TENM3: variants seen among roughly 807,000 people sequenced by gnomAD.
TENM3 encodes the protein teneurin transmembrane protein 3.
A neutral mutation model predicts 255.1 loss-of-function variants in TENM3; 63 were observed. The observed-to-expected ratio is 0.25, with a 90% confidence interval of 0.20 to 0.30. The LOEUF is 0.30. Among genes scored for constraint, TENM3 ranks in the 10% least tolerant of loss-of-function variants. TENM3 has a pLI of 1.00. For missense variants in TENM3, 2,929 were observed against 3,461.1 expected (o/e 0.85, Z 3.86); for synonymous variants, 1,306 against 1,322.3 (o/e 0.99, Z 0.27).
chr4:181,696,523 A>G, the TENM3 span, among the ~76,000 whole-genome samples: 1 of 152,236 alleles, frequency 6.6e-6, no homozygotes, highest in African/African-American at 2.4e-5. Context: ...ATTTATGTAC[A>G]TATAATTATG....
At chr4:182,260,822 T>C (rs1379406099) in intron 1 of TENM3, among the ~76,000 whole-genome samples, 1 of 152,126 alleles carries the variant, frequency 6.6e-6, no homozygotes, top group African/African-American at 2.4e-5. Context: ...GTAACAGTTA[T>C]CCCAATGCCA....
intron 5 of TENM3, among the ~76,000 whole-genome samples, chr4:182,641,740 T>G (rs1752336074): frequency 6.6e-6 from 1 of 152,200 alleles, no homozygotes; most frequent in Non-Finnish European, 1.5e-5. Context: ...TTGGTCAAGC[T>G]GGTCTCAAAC....
the TENM3 span, among the ~76,000 whole-genome samples, chr4:181,905,382 C>T: frequency 6.6e-6 from 1 of 152,118 alleles, no homozygotes; most frequent in Admixed American, 6.6e-5. Flanking sequence ...TGACTCATAG[C>T]CTTGATTCAT....
chr4:182,775,666 C>T (rs1004616951), intron 24 of TENM3, among the ~76,000 whole-genome samples: 7 of 152,184 alleles, frequency 4.6e-5, no homozygotes, highest in Non-Finnish European at 1.0e-4. Flanking sequence ...GTCACATGCA[C>T]GTGTGCACAC....
At chr4:182,515,478 A>T (rs1201460573) in intron 3 of TENM3, among the ~76,000 whole-genome samples, 2 of 152,220 alleles carry the variant, frequency 1.3e-5, no homozygotes, top group Admixed American at 6.5e-5. Context: ...TGATAGCAAG[A>T]ATCATCTAAT....
Position 182,524,445 on chromosome 4 carries a change from A to G in TENM3, c.512-76479A>G, listed in dbSNP as rs562021607. Among the ~76,000 whole-genome samples, 11 of 129,176 alleles carry G rather than the reference A, an allele frequency of 8.5e-5. No individual in the cohort carries two copies. The East Asian group carries it at 2.7e-3, about 32-fold the overall frequency. 84.7% of individuals were successfully genotyped at this position (129,176 alleles called of 152,430 possible). ...GGCATGACCACGGTTCACTCTATCC[A>G]CCACCTCCCAGGCTCAAGCAATCTT... On this transcript the variant is annotated intron_variant, in intron 3 of 27. Transcript: ENST00000511685.
the TENM3 span, among the ~76,000 whole-genome samples, chr4:181,652,463 G>A: frequency 2.0e-5 from 3 of 152,136 alleles, no homozygotes; most frequent in South Asian, 2.1e-4. Context: ...TTTCTTCACT[G>A]TCCCCTCCAA....
chr4:182,570,535 G>A (rs978782784), intron 3 of TENM3, among the ~76,000 whole-genome samples: 5 of 152,262 alleles, frequency 3.3e-5, no homozygotes, highest in African/African-American at 7.2e-5. Context: ...CACCAGTGGC[G>A]GTAGTAAATG....
chr4:182,526,889 A>G (rs1257401575), intron 3 of TENM3, among the ~76,000 whole-genome samples: 1 of 152,182 alleles, frequency 6.6e-6, no homozygotes, highest in Non-Finnish European at 1.5e-5. Flanking sequence ...GGCTGTATTC[A>G]CTACTATATG....
chr4:182,079,332 C>T, the TENM3 span, among the ~76,000 whole-genome samples: 3 of 151,900 alleles, frequency 2.0e-5, no homozygotes, highest in South Asian at 2.1e-4. Context: ...CTGGCTAACA[C>T]GGTGAAACCC....
At chr4:181,969,765 A>C in the TENM3 span, among the ~76,000 whole-genome samples, 3 of 152,260 alleles carry the variant, frequency 2.0e-5, no homozygotes, top group Non-Finnish European at 4.4e-5. Context: ...TTCAGTAATT[A>C]CATTAAAGTA....
chr4:181,580,343 C>A, the TENM3 span, among the ~76,000 whole-genome samples: 5 of 152,138 alleles, frequency 3.3e-5, no homozygotes, highest in South Asian at 2.1e-4. Flanking sequence ...GGTGGCTTCC[C>A]CCGACTGAGA....
chr4:182,097,350 C>T, the TENM3 span, among the ~76,000 whole-genome samples: 1 of 152,122 alleles, frequency 6.6e-6, no homozygotes. Flanking sequence ...TCGGCTCTGC[C>T]CTCTGAAGTG....
rs1000140562 is a variant in TENM3, at chr4:182,576,547, A to C, written c.512-24377A>C. Among the ~76,000 whole-genome samples the C allele has an allele frequency of 2.0e-5, 3 of 152,212 alleles. No homozygotes were observed. The South Asian group carries it at 6.2e-4, about 31-fold the overall frequency. ...TGATGTGAAGTAATTTTAAAAGATG[A>C]AAGATACTTCTTAAATACTTTGGAA... On this transcript the variant is annotated intron_variant, in intron 3 of 27. Transcript: ENST00000511685.
At chr4:182,023,306 G>A in the TENM3 span, among the ~76,000 whole-genome samples, 1 of 152,154 alleles carries the variant, frequency 6.6e-6, no homozygotes, top group African/African-American at 2.4e-5. Flanking sequence ...TTGGGAGTTT[G>A]GGTTGCTGCT....
intron 24 of TENM3, among the ~76,000 whole-genome samples, chr4:182,775,761 A>G (rs1579455706): frequency 6.6e-6 from 1 of 152,144 alleles, no homozygotes; most frequent in African/African-American, 2.4e-5. Flanking sequence ...TCTGCATACC[A>G]AAGACACAGC....
At chr4:181,542,411 G>A in the TENM3 span, among the ~76,000 whole-genome samples, 1 of 152,134 alleles carries the variant, frequency 6.6e-6, no homozygotes, top group African/African-American at 2.4e-5. Context: ...GCCATTAAAG[G>A]TTTTGAGTAG....
the TENM3 span, among the ~76,000 whole-genome samples, chr4:181,977,895 G>A: frequency 6.6e-6 from 1 of 152,124 alleles, no homozygotes; most frequent in Non-Finnish European, 1.5e-5. Flanking sequence ...ACAAGCTCTT[G>A]GTTGAAGAGG....
In TENM3 at chr4:182,674,478, T is replaced by C. The variant is rs190089492; in HGVS notation, c.1326+1259T>C. Among the ~76,000 whole-genome samples, 342 of 152,308 alleles carry C rather than the reference T, an allele frequency of 2.2e-3. 4 individuals carry two copies. The highest frequency in any genetic ancestry group is 8.1e-3 in the African/African-American group (336 of 41,576). ...ATTTTTAATATCTATATTATTAAAG[T>C]AAATTTGATCCTTATGCATTGTATA... On this transcript the variant is annotated intron_variant, in intron 7 of 27. Coordinates refer to ENST00000511685, the MANE Select transcript of TENM3 (RefSeq NM_001080477.4).
Sources: gnomAD v4.1 joint callset for allele counts (sites outside exome capture counted in the v4.1 genomes callset) on GRCh38, gnomAD v4.1.1 for gene constraint, MANE v1.5 for transcripts, NCBI Gene and HGNC (gene_info 2026-07-23, HGNC 2026-07-21) for gene names.